SEC23IP: variants seen among roughly 807,000 people sequenced by gnomAD.
SEC23IP encodes SEC23-interacting protein.
In SEC23IP, 70 loss-of-function variants were observed where a neutral mutation model predicts 113.4. The observed-to-expected ratio is 0.62, with a 90% confidence interval of 0.51 to 0.75. SEC23IP has a LOEUF of 0.75. Ranked by LOEUF, SEC23IP falls within the 30% of genes least tolerant of loss-of-function variation. SEC23IP has a pLI of 0.00. For missense variants in SEC23IP, 1,160 were observed against 1,204.9 expected (o/e 0.96, Z 0.55); for synonymous variants, 398 against 421.0 (o/e 0.95, Z 0.67).
chr10:119,934,411 A>C (rs187289879), intron 18 of SEC23IP, among the ~76,000 whole-genome samples: 4 of 152,324 alleles, frequency 2.6e-5, no homozygotes, highest in East Asian at 1.9e-4. Context: ...AAGATTGTAG[A>C]AGTAATGTTT....
chr10:119,913,574 C>A (rs1854942375), intron 6 of SEC23IP, among the ~76,000 whole-genome samples: 1 of 149,810 alleles, frequency 6.7e-6, no homozygotes, highest in Admixed American at 6.7e-5. Flanking sequence ...TCACTGCAAC[C>A]TGCACCCGCT....
In SEC23IP at chr10:119,902,835, G is replaced by T. The variant is rs1355419705; in HGVS notation, c.733G>T (p.Val245Leu). ...SSVQSPAQQQ[V>L]PARPGAPSVQ... ...AGTGCAGTCACCGGCACAGCAGCAG[G>T]TACCTGCCAGACCTGGGGCTCCCTC... The change falls in exon 3 of 19, where the codon GTA (valine) becomes TTA (leucine). Residue 245 changes from valine (V) to leucine (L), a missense_variant. Transcript: ENST00000369075. 1 of 1,614,144 alleles carries T rather than the reference G, an allele frequency of 6.2e-7. No homozygotes were observed. The highest frequency in any genetic ancestry group is 1.3e-5 in the African/African-American group (1 of 75,040).
At position 119,918,021 on chromosome 10, in the gene SEC23IP, T is replaced by A. The variant is rs758432273; in HGVS notation, c.1730T>A (p.Val577Asp). ...CGGAACCCAGACTTCAAAGGAGGTGTCTCTGTTGCTGGTCACAGTTTAGGT... is the reference window on the plus strand; with the variant it reads ...CGGAACCCAGACTTCAAAGGAGGTGACTCTGTTGCTGGTCACAGTTTAGGT... ...MSRNPDFKGG[V>D]SVAGHSLGSL... is the part of the protein sequence containing the mutation. Residue 577 changes from valine (V) to aspartate (D), a missense_variant, in exon 9 of 19, where the codon GTC becomes GAC. Physicochemically the swap from Val to Asp is radical, Grantham distance 152 (BLOSUM62 -3). Transcript: ENST00000369075. The A allele has an allele frequency of 6.2e-7, 1 of 1,613,856 alleles. No homozygotes were observed. Among genetic ancestry groups the A allele is most frequent in the South Asian group, 1.1e-5 (1 of 91,058 alleles).
rs115781629 is a variant in SEC23IP, at chr10:119,899,326, A to G, written c.696+367A>G. ...CATCTTTCAATTACACTAGTCAATC[A>G]AAACACTCAATTACAGGGACTAAAA... On this transcript the variant is annotated intron_variant, in intron 2 of 18. Coordinates refer to ENST00000369075, the MANE Select transcript of SEC23IP (RefSeq NM_007190.4). 6.8e-3 allele frequency among the ~76,000 whole-genome samples: 1,037 copies of G among 152,348 alleles called. 10 individuals are homozygous for G. Among genetic ancestry groups the G allele is most frequent in the African/African-American group, 0.024 (988 of 41,582 alleles).
intron 2 of SEC23IP, among the ~76,000 whole-genome samples, chr10:119,902,210 G>A (rs1043642310): frequency 2.6e-5 from 4 of 152,156 alleles, no homozygotes; most frequent in Non-Finnish European, 5.9e-5. Context: ...TACAAAATTA[G>A]CTGAGTGTGG....
At chr10:119,934,822 A>G (rs1855720660) in intron 18 of SEC23IP, among the ~76,000 whole-genome samples, 1 of 152,156 alleles carries the variant, frequency 6.6e-6, no homozygotes, top group African/African-American at 2.4e-5. Flanking sequence ...CCAAAATTAA[A>G]CTTGTAACAA....
At chr10:119,893,030 C>T (rs758974135) in intron 1 of SEC23IP, 85 bp downstream of exon 1, 110 of 1,426,398 alleles carry the variant, frequency 7.7e-5, no homozygotes, top group Admixed American at 3.1e-4. Context: ...GTTTTTCCTT[C>T]TGCCTCGAGC....
chr10:119,898,707 A>T lies in SEC23IP; in HGVS notation c.444A>T (p.Ser148=), dbSNP rs773740923. 6.2e-7 allele frequency: 1 copy of T among 1,614,022 alleles called. No homozygotes were observed. Among genetic ancestry groups the T allele is most frequent in the South Asian group, 1.1e-5 (1 of 91,086 alleles). The change falls in exon 2 of 19, where the codon TCA becomes TCT. Residue 148 remains serine, a synonymous_variant. Coordinates refer to ENST00000369075, the MANE Select transcript of SEC23IP (RefSeq NM_007190.4). ...CTCAACCTGGTGCTCCACCTTCCTCACTGATGGGAATAAATTCTTATCTGC... is the reference window on the plus strand; with the variant it reads ...CTCAACCTGGTGCTCCACCTTCCTCTCTGATGGGAATAAATTCTTATCTGC... ...SKAQPGAPPS[S]LMGINSYLPS...
intron 1 of SEC23IP, among the ~76,000 whole-genome samples, chr10:119,896,547 A>G (rs1223413242): frequency 1.3e-5 from 2 of 152,220 alleles, no homozygotes; most frequent in Non-Finnish European, 1.5e-5. Context: ...TCTGGAACAC[A>G]CGAGAATGGT....
intron 14 of SEC23IP, among the ~76,000 whole-genome samples, 180 bp downstream of exon 14, chr10:119,929,942 C>T (rs1241630224): frequency 6.6e-6 from 1 of 152,164 alleles, no homozygotes; most frequent in Non-Finnish European, 1.5e-5. Context: ...AGCCACTGTG[C>T]CTGACCTTTT....
intron 5 of SEC23IP, among the ~76,000 whole-genome samples, chr10:119,911,232 G>C (rs1347548391): frequency 1.3e-5 from 2 of 151,706 alleles, no homozygotes; most frequent in Non-Finnish European, 2.9e-5. Flanking sequence ...ATAAGACAAA[G>C]ACTCTTCAAT....
intron 6 of SEC23IP, among the ~76,000 whole-genome samples, chr10:119,913,083 C>T (rs1004966566): frequency 1.9e-4 from 29 of 152,200 alleles, no homozygotes; most frequent in Admixed American, 1.2e-3. Context: ...CACTTCCCCC[C>T]GACCCTTCCC....
At chr10:119,896,827 A>G (rs1255992098) in intron 1 of SEC23IP, among the ~76,000 whole-genome samples, 1 of 152,176 alleles carries the variant, frequency 6.6e-6, no homozygotes, top group African/African-American at 2.4e-5. Flanking sequence ...AAGAAATACA[A>G]ATAAGTCCAA....
chr10:119,929,902 G>C (rs752324502), intron 14 of SEC23IP, 140 bp downstream of exon 14: 2 of 586,032 alleles, frequency 3.4e-6, no homozygotes, highest in Non-Finnish European at 5.9e-6. Flanking sequence ...TTCCATCACA[G>C]CCTCCCAAAT....
intron 18 of SEC23IP, among the ~76,000 whole-genome samples, chr10:119,935,090 G>A (rs971246053): frequency 1.3e-5 from 2 of 152,246 alleles, no homozygotes; most frequent in Non-Finnish European, 2.9e-5. Context: ...CCTAGAGGCA[G>A]CCAGTGTTCC....
intron 18 of SEC23IP, among the ~76,000 whole-genome samples, chr10:119,935,922 A>G (rs936202334): frequency 6.6e-6 from 1 of 152,252 alleles, no homozygotes; most frequent in Admixed American, 6.5e-5. Context: ...CTGGATCAGA[A>G]CATGAGAGTG....
intron 1 of SEC23IP, among the ~76,000 whole-genome samples, chr10:119,893,471 C>A (rs74157695): frequency 0.018 from 2,696 of 151,322 alleles, 70 homozygotes; most frequent in African/African-American, 0.06. Flanking sequence ...CTTCTAGAAG[C>A]CTGTAATATT....
chr10:119,912,636 CTTTTTCTTTT>C, intron 6 of SEC23IP, among the ~76,000 whole-genome samples: 1 of 140,296 alleles, frequency 7.1e-6, no homozygotes, highest in Non-Finnish European at 1.6e-5. Context: ...TTTTCTTTTT[CTTTTTCTTTT>C]TTTTTTTTTT....
intron 4 of SEC23IP, among the ~76,000 whole-genome samples, chr10:119,907,531 C>T (rs1489631017): frequency 6.6e-6 from 1 of 152,174 alleles, no homozygotes; most frequent in Non-Finnish European, 1.5e-5. Flanking sequence ...TGAATCTCTC[C>T]CCAAGAGGTC....
Sources: gnomAD v4.1 joint callset for allele counts (sites outside exome capture counted in the v4.1 genomes callset) on GRCh38, gnomAD v4.1.1 for gene constraint, MANE v1.5 for transcripts, NCBI Gene and HGNC (gene_info 2026-07-23, HGNC 2026-07-21) for gene names.